The following AGBL1 variants were observed in gnomAD, a reference collection of about 807,000 sequenced individuals.
The protein encoded by AGBL1 is cytosolic carboxypeptidase 4.
Under a neutral mutation model 118.9 loss-of-function variants are expected in AGBL1, and 130 were observed. The observed-to-expected ratio is 1.09, with a 90% CI of 0.95 to 1.26. The LOEUF (loss-of-function observed/expected upper bound fraction) is 1.26, where lower values mean the gene tolerates loss of function less well. Among genes scored for constraint, AGBL1 ranks in the 50% most tolerant of loss-of-function variants. The pLI is 0.00. For synonymous variants in AGBL1, 555 were observed against 478.9 expected (o/e 1.16, Z -2.08); for missense variants, 1,584 against 1,298.1 (o/e 1.22, Z -3.38).
chr15:86,896,902 T>C (rs1041747292), intron 22 of AGBL1, among the ~76,000 whole-genome samples: 3 of 152,166 alleles, frequency 2.0e-5, no homozygotes, highest in Admixed American at 2.0e-4. Context: ...TATATCAATC[T>C]TTGGATTTCC....
At chr15:86,925,104 AG>A (rs2080517948) in intron 23 of AGBL1, among the ~76,000 whole-genome samples, 1 of 63,482 alleles carries the variant, frequency 1.6e-5, no homozygotes, top group African/African-American at 4.9e-5. Context: ...TCTGTCAAGA[AG>A]AAGAAGAAGA....
chr15:86,954,094 A>G (rs1384048742), intron 23 of AGBL1, among the ~76,000 whole-genome samples: 1 of 152,176 alleles, frequency 6.6e-6, no homozygotes, highest in African/African-American at 2.4e-5. Flanking sequence ...TTCTATTAAA[A>G]AGTCAAAATA....
intron 18 of AGBL1, among the ~76,000 whole-genome samples, chr15:86,451,676 C>T (rs1364699043): frequency 6.6e-6 from 1 of 152,066 alleles, no homozygotes. Context: ...AGTTCATGTC[C>T]CCTTTTCCAT....
intron 23 of AGBL1, among the ~76,000 whole-genome samples, chr15:86,957,278 T>C (rs560978183): frequency 4.0e-4 from 61 of 152,142 alleles, no homozygotes; most frequent in Non-Finnish European, 8.2e-4. Flanking sequence ...CAGAAAATTT[T>C]ACTCTTTAAT....
chr15:86,444,169 T>C (rs1286080059), intron 18 of AGBL1, among the ~76,000 whole-genome samples: 1 of 152,218 alleles, frequency 6.6e-6, no homozygotes, highest in Non-Finnish European at 1.5e-5. Flanking sequence ...AGATGATATC[T>C]CACTGTTTTG....
chr15:86,210,002 C>T (rs1466956054), intron 5 of AGBL1, among the ~76,000 whole-genome samples: 7 of 152,162 alleles, frequency 4.6e-5, no homozygotes, highest in Admixed American at 4.6e-4. Flanking sequence ...TCTTGTAAGG[C>T]AGGCCTGGTG....
chr15:86,300,068 C>G (rs1784885696), intron 17 of AGBL1, among the ~76,000 whole-genome samples: 1 of 152,070 alleles, frequency 6.6e-6, no homozygotes, highest in Admixed American at 6.6e-5. Flanking sequence ...CTTGGCCTTC[C>G]TATACTTGTT....
At chr15:86,198,104 A>G (rs2077844706) in intron 5 of AGBL1, among the ~76,000 whole-genome samples, 1 of 152,198 alleles carries the variant, frequency 6.6e-6, no homozygotes, top group African/African-American at 2.4e-5. Context: ...TGAACTAGAA[A>G]GGATTATGCT....
At chr15:86,980,271 G>A (rs2081217436) in intron 23 of AGBL1, among the ~76,000 whole-genome samples, 1 of 152,198 alleles carries the variant, frequency 6.6e-6, no homozygotes, top group African/African-American at 2.4e-5. Context: ...GTGGCCAGAA[G>A]TTAGAGCTGC....
At chr15:86,889,508 C>T (rs1285265079) in intron 22 of AGBL1, among the ~76,000 whole-genome samples, 1 of 152,066 alleles carries the variant, frequency 6.6e-6, no homozygotes, top group Non-Finnish European at 1.5e-5. Flanking sequence ...TTAAGCCCAA[C>T]ATCCATTAGC....
chr15:86,678,259 AG>A lies in AGBL1; in HGVS notation c.3158+3824del, dbSNP rs556780414. On this transcript the variant is annotated intron_variant, in intron 22 of 22. Coordinates refer to ENST00000614907, the MANE Select transcript of AGBL1 (RefSeq NM_001386094.1). ...TTATATTTTTTACCTATGGATAAAT[AG>A]ACATACAGTACTCTCAAAAACAATG... is the stretch of plus-strand genomic sequence containing the variant. Among the ~76,000 whole-genome samples the A allele has an allele frequency of 3.7e-3, 565 of 152,304 alleles. 7 individuals are homozygous for A. The highest frequency in any genetic ancestry group is 6.3e-3 in the Non-Finnish European group (431 of 68,004).
rs892653368 is a variant in AGBL1 at position 86,856,605 on chromosome 15, C to T, written c.3159-50482C>T. Among the ~76,000 whole-genome samples the T allele has an allele frequency of 2.6e-5, 4 of 152,218 alleles. No individual in the cohort carries two copies. The East Asian group carries it at 7.7e-4, about 29-fold the overall frequency. On this transcript the variant is annotated intron_variant, in intron 22 of 22. Transcript: ENST00000614907. ...TGATAAATAAAGTGCATTGAGCATC[C>T]ACTCTGCAGCAGGCACTGTGTGTGC... is the stretch of plus-strand genomic sequence containing the variant.
chr15:86,797,754 A>C (rs2141342952), intron 22 of AGBL1, among the ~76,000 whole-genome samples: 1 of 152,226 alleles, frequency 6.6e-6, no homozygotes, highest in African/African-American at 2.4e-5. Context: ...GGTGGTGGGG[A>C]GGTGATCCAT....
At chr15:86,530,546 T>C (rs12909784) in intron 19 of AGBL1, among the ~76,000 whole-genome samples, 56,702 of 131,392 alleles carry the variant, frequency 0.43, 13,114 homozygotes, top group East Asian at 0.67. Context: ...ATTAGACAGA[T>C]CAATGAGACA....
chr15:86,219,093 T>G (rs2173090), intron 5 of AGBL1, among the ~76,000 whole-genome samples: 84,172 of 152,074 alleles, frequency 0.55, 23,567 homozygotes, highest in South Asian at 0.74. Context: ...TTCCAAGAGA[T>G]AGTTTGGTCC....
chr15:86,903,781 C>A (rs1442502109), intron 22 of AGBL1, among the ~76,000 whole-genome samples: 1 of 152,160 alleles, frequency 6.6e-6, no homozygotes, highest in Non-Finnish European at 1.5e-5. Context: ...GGAATTCCAG[C>A]TCCCCACCAG....
At chr15:86,979,436 GGTAA>G (rs1418067173) in intron 23 of AGBL1, among the ~76,000 whole-genome samples, 1 of 152,082 alleles carries the variant, frequency 6.6e-6, no homozygotes, top group Non-Finnish European at 1.5e-5. Flanking sequence ...AAAACACACA[GGTAA>G]GTGAGCCAAT....
At chr15:86,850,743 A>T (rs993981120) in intron 22 of AGBL1, among the ~76,000 whole-genome samples, 4 of 152,186 alleles carry the variant, frequency 2.6e-5, no homozygotes, top group Non-Finnish European at 5.9e-5. Context: ...AGATAATAGA[A>T]ATGCTGAAAA....
chr15:86,091,136 C>T (rs1266836521), intron 1 of AGBL1, among the ~76,000 whole-genome samples: 1 of 152,110 alleles, frequency 6.6e-6, no homozygotes, highest in Admixed American at 6.5e-5. Context: ...GACATCAGTG[C>T]TAGGAGATTT....
Sources: gnomAD v4.1 joint callset for allele counts (sites outside exome capture counted in the v4.1 genomes callset) on GRCh38, gnomAD v4.1.1 for gene constraint, MANE v1.5 for transcripts, NCBI Gene and HGNC (gene_info 2026-07-23, HGNC 2026-07-21) for gene names.